Variants in MANEA observed in about 807,000 individuals in gnomAD.
MANEA encodes mannosidase endo-alpha, also known as glycoprotein endo-alpha-1,2-mannosidase.
MANEA carries 25 observed loss-of-function variants against 36.8 expected under a neutral mutation model. The ratio of observed to expected loss-of-function variants is 0.68; its 90% CI spans 0.50 to 0.95. MANEA has a LOEUF of 0.95. MANEA is among the 40% of genes least tolerant of loss of function. MANEA has a pLI of 0.00. For missense variants in MANEA, 565 were observed against 558.8 expected (o/e 1.01, Z -0.11); for synonymous variants, 198 against 188.5 (o/e 1.05, Z -0.41).
At chr6:95,592,050 G>A (rs1339982813) in intron 2 of MANEA, among the ~76,000 whole-genome samples, 1 of 152,118 alleles carries the variant, frequency 6.6e-6, no homozygotes, top group Non-Finnish European at 1.5e-5. Flanking sequence ...CCAATTACAT[G>A]TGTACTAGAA....
intron 2 of MANEA, among the ~76,000 whole-genome samples, chr6:95,594,224 A>G (rs1769444747): frequency 6.6e-6 from 1 of 152,202 alleles, no homozygotes; most frequent in Non-Finnish European, 1.5e-5. Context: ...GTGGAATTTT[A>G]TGTGTGTACT....
chr6:95,606,248 T>C lies in MANEA; in HGVS notation c.1232T>C (p.Ile411Thr), dbSNP rs752638133. The change falls in exon 5 of 5, where the codon ATT becomes ACT. Residue 411 changes from isoleucine (I) to threonine (T), a missense_variant. By Grantham distance (89) the Ile-to-Thr change is moderately conservative. Coordinates refer to ENST00000358812, the MANE Select transcript of MANEA (RefSeq NM_024641.4). ...SFNEWHEGTQIEKAVPKRTSN... is the reference protein window; with the variant it reads ...SFNEWHEGTQTEKAVPKRTSN... ...AATGAGTGGCATGAAGGAACTCAGA[T>C]TGAAAAAGCTGTTCCCAAAAGAACC... 6 of 1,613,876 alleles carry C rather than the reference T, an allele frequency of 3.7e-6. No individual in the cohort carries two copies. Among genetic ancestry groups the C allele is most frequent in the South Asian group, 1.1e-5 (1 of 91,066 alleles).
At chr6:95,591,073 C>G (rs938159536) in intron 2 of MANEA, among the ~76,000 whole-genome samples, 2 of 152,082 alleles carry the variant, frequency 1.3e-5, no homozygotes, top group African/African-American at 4.8e-5. Context: ...AAGATTTGGC[C>G]GATGGGTCAT....
chr6:95,593,162 A>C (rs920642794), intron 2 of MANEA, among the ~76,000 whole-genome samples: 1 of 152,194 alleles, frequency 6.6e-6, no homozygotes, highest in Non-Finnish European at 1.5e-5. Flanking sequence ...TCTGGTTACT[A>C]TCAAGGATTC....
At chr6:95,605,115 G>T (rs937299605) in intron 4 of MANEA, among the ~76,000 whole-genome samples, 4 of 151,924 alleles carry the variant, frequency 2.6e-5, no homozygotes, top group Non-Finnish European at 4.4e-5. Flanking sequence ...GAAGATTGCT[G>T]TTTTTACTGT....
At chr6:95,599,757 A>G (rs1769554012) in intron 3 of MANEA, among the ~76,000 whole-genome samples, 1 of 152,212 alleles carries the variant, frequency 6.6e-6, no homozygotes, top group Non-Finnish European at 1.5e-5. Flanking sequence ...ATTTCTGTCC[A>G]TAAAGCTGCC....
At chr6:95,581,553 A>G (rs939712594) in intron 1 of MANEA, among the ~76,000 whole-genome samples, 1 of 152,204 alleles carries the variant, frequency 6.6e-6, no homozygotes, top group Non-Finnish European at 1.5e-5. Context: ...CTGTTTGATT[A>G]AAACATTACT....
chr6:95,584,027 C>T (rs773472127), intron 1 of MANEA, among the ~76,000 whole-genome samples: 4 of 152,166 alleles, frequency 2.6e-5, no homozygotes, highest in African/African-American at 7.2e-5. Context: ...ACATTTATCA[C>T]TTCCCTAAGA....
intron 2 of MANEA, among the ~76,000 whole-genome samples, chr6:95,591,969 T>A (rs534450697): frequency 4.6e-5 from 7 of 152,332 alleles, no homozygotes; most frequent in Non-Finnish European, 1.0e-4. Flanking sequence ...CCCAAAGTGC[T>A]AGGATTACAG....
intron 2 of MANEA, among the ~76,000 whole-genome samples, chr6:95,591,944 C>T (rs950443977): frequency 5.3e-5 from 8 of 152,194 alleles, no homozygotes; most frequent in Non-Finnish European, 1.0e-4. Flanking sequence ...GCTCGTTATC[C>T]ACCTGCCTGG....
At chr6:95,582,542 T>C (rs1769203415) in intron 1 of MANEA, among the ~76,000 whole-genome samples, 1 of 152,174 alleles carries the variant, frequency 6.6e-6, no homozygotes, top group Non-Finnish European at 1.5e-5. Context: ...GAAATTTCAC[T>C]TCACAGAGTC....
At chr6:95,590,735 A>G (rs1769372335) in intron 2 of MANEA, among the ~76,000 whole-genome samples, 1 of 152,192 alleles carries the variant, frequency 6.6e-6, no homozygotes, top group African/African-American at 2.4e-5. Flanking sequence ...AAAAAATTTG[A>G]AAGTATTCAT....
intron 3 of MANEA, among the ~76,000 whole-genome samples, chr6:95,600,125 T>C (rs1769560909): frequency 6.6e-6 from 1 of 152,188 alleles, no homozygotes; most frequent in Non-Finnish European, 1.5e-5. Flanking sequence ...CTGTTTAAAG[T>C]GTCTGTGTAG....
chr6:95,578,451 C>T (rs531889068), intron 1 of MANEA, among the ~76,000 whole-genome samples: 1 of 152,172 alleles, frequency 6.6e-6, no homozygotes, highest in African/African-American at 2.4e-5. Flanking sequence ...CTGGAATAGG[C>T]TGTTCACGTT....
intron 2 of MANEA, among the ~76,000 whole-genome samples, chr6:95,595,708 C>T (rs1329728793): frequency 2.0e-5 from 3 of 152,152 alleles, no homozygotes; most frequent in East Asian, 3.9e-4. Context: ...TCTTTGTATA[C>T]GTAATGAGGC....
chr6:95,608,162 G>A lies in MANEA; in HGVS notation c.*1757G>A, dbSNP rs1327911706. 2.0e-5 allele frequency: 3 copies of A among 151,792 alleles called. No homozygotes were observed. The East Asian group carries it at 5.8e-4, about 29-fold the overall frequency. 9.4% of individuals were successfully genotyped at this position (151,792 alleles called of 1,614,324 possible). ...GCACTTACATGGTAATCACTATATA[G>A]ATCCAACCTGTGGATTTTCTTCTTA... On this transcript the variant is annotated 3_prime_UTR_variant, in exon 5 of 5. Transcript: ENST00000358812.
intron 1 of MANEA, among the ~76,000 whole-genome samples, chr6:95,584,108 G>GTA (rs1345839618): frequency 6.6e-6 from 1 of 152,166 alleles, no homozygotes; most frequent in East Asian, 1.9e-4. Flanking sequence ...AACTGAGGAT[G>GTA]TACGTCACCT....
At chr6:95,590,984 T>A (rs1426648557) in intron 2 of MANEA, among the ~76,000 whole-genome samples, 1 of 152,218 alleles carries the variant, frequency 6.6e-6, no homozygotes, top group Non-Finnish European at 1.5e-5. Flanking sequence ...TTGCAACCAC[T>A]CAGCTCTATC....
chr6:95,580,448 G>A (rs186819070), intron 1 of MANEA, among the ~76,000 whole-genome samples: 180 of 152,142 alleles, frequency 1.2e-3, no homozygotes, highest in Non-Finnish European at 2.1e-3. Flanking sequence ...CAATTTGGCC[G>A]GGCACGGTGG....
Sources: allele counts gnomAD v4.1 joint callset (sites outside exome capture counted in the v4.1 genomes callset), GRCh38; gene constraint gnomAD v4.1.1; transcripts MANE v1.5; gene names NCBI Gene and HGNC (gene_info 2026-07-23, HGNC 2026-07-21).